Variants in NSD2 observed in about 807,000 individuals in gnomAD.
NSD2 encodes the protein histone-lysine N-methyltransferase NSD2.
In NSD2, 12 loss-of-function variants were observed where a neutral mutation model predicts 139.0. The ratio of observed to expected loss-of-function variants is 0.09; its 90% CI spans 0.06 to 0.14. The LOEUF (loss-of-function observed/expected upper bound fraction) is 0.14, where lower values mean the gene tolerates loss of function less well. Ranked by LOEUF, NSD2 falls within the 10% of genes least tolerant of loss-of-function variation. The pLI, the probability that NSD2 is intolerant of heterozygous loss-of-function variation, is 1.00. For missense variants in NSD2, 1,155 were observed against 1,745.0 expected, an observed-to-expected ratio of 0.66 and a Z score of 6.02; for synonymous variants, 669 against 648.7, an observed-to-expected ratio of 1.03 and a Z score of -0.48.
At chr4:1,898,719 G>T (rs115019641) in intron 1 of NSD2, among the ~76,000 whole-genome samples, 2 of 148,038 alleles carry the variant, frequency 1.4e-5, no homozygotes, top group Admixed American at 1.3e-4. Flanking sequence ...CCAGCAGCTG[G>T]AATCTCTTTT....
intron 9 of NSD2, chr4:1,946,900 T>C: frequency 9.5e-7 from 1 of 1,056,584 alleles, no homozygotes; most frequent in Middle Eastern, 4.3e-4. Context: ...TAGGTCCACA[T>C]TTGTGTTTTT....
Position 1,980,912 on chromosome 4 carries a change from T to G in NSD2, c.*2003T>G, listed in dbSNP as rs886059332. On this transcript the variant is annotated 3_prime_UTR_variant, in exon 22 of 22. Coordinates refer to ENST00000508803, the MANE Select transcript of NSD2 (RefSeq NM_001042424.3). ...CTTATGATGCCCTAACTTGGAAGGT[T>G]GTTCTAGGGACAGGCCGGGCAGTGT... 4 of 233,188 alleles carry G rather than the reference T, an allele frequency of 1.7e-5. No individual in the cohort carries two copies. Among genetic ancestry groups the G allele is most frequent in the South Asian group, 1.8e-4 (1 of 5,536 alleles). 14.4% of individuals were successfully genotyped at this position (233,188 alleles called of 1,614,324 possible).
chr4:1,932,831 T>C (rs527835716), intron 6 of NSD2, among the ~76,000 whole-genome samples: 77 of 152,292 alleles, frequency 5.1e-4, no homozygotes, highest in African/African-American at 1.7e-3. Flanking sequence ...CCTGGATGAA[T>C]GGAGAGGTGC....
At chr4:1,888,611 G>T (rs1460262554) in intron 1 of NSD2, among the ~76,000 whole-genome samples, 1 of 151,778 alleles carries the variant, frequency 6.6e-6, no homozygotes, top group East Asian at 1.9e-4. Flanking sequence ...CTGTCACCCA[G>T]GCTGGATTGC....
Position 1,918,601 on chromosome 4 carries a change from T to G in NSD2, c.1388T>G (p.Phe463Cys), listed in dbSNP as rs1460113219. 1 of 1,613,686 alleles carries G rather than the reference T, an allele frequency of 6.2e-7. No individual in the cohort carries two copies. Among genetic ancestry groups the G allele is most frequent in the Non-Finnish European group, 8.5e-7 (1 of 1,180,002 alleles). The change falls in exon 5 of 22, where the codon TTC (phenylalanine) becomes TGC (cysteine). Residue 463 changes from phenylalanine to cysteine, a missense_variant. By Grantham distance (205) the Phe-to-Cys change is radical. This residue lies in a region of NSD2 where 420 missense variants were observed against 469.0 expected (regional missense o/e 0.90). Coordinates refer to ENST00000508803, the MANE Select transcript of NSD2 (RefSeq NM_001042424.3). Reference sequence around the variant, plus strand: ...GATGCAGCATCCCAGTTTTTGGTCTTCTGTCAAAAACACAGGGATGAGGTC... The same window carrying G: ...GATGCAGCATCCCAGTTTTTGGTCTGCTGTCAAAAACACAGGGATGAGGTC... ...KGDAASQFLVFCQKHRDEVVA... is the reference protein window; with the variant it reads ...KGDAASQFLVCCQKHRDEVVA...
chr4:1,917,162 T>C, intron 4 of NSD2, 125 bp downstream of exon 4: 1 of 1,030,638 alleles, frequency 9.7e-7, no homozygotes, highest in Non-Finnish European at 1.4e-6. Context: ...ATCTCTTTCA[T>C]TGTTGACTTT....
chr4:1,918,377 G>T lies in NSD2; in HGVS notation c.1164G>T (p.Lys388Asn), dbSNP rs753512534. 3 of 1,614,014 alleles carry T rather than the reference G, an allele frequency of 1.9e-6. No homozygotes were observed. In the African/African-American group the frequency reaches 4.0e-5, roughly 22 times the overall value. Residue 388 changes from lysine (K) to asparagine (N), a missense_variant, in exon 5 of 22, where the codon AAG becomes AAT. Physicochemically the swap from Lys to Asn is moderately conservative, Grantham distance 94 (BLOSUM62 0). Transcript: ENST00000508803. Reference sequence around the variant, plus strand: ...GTGAAGAAGCTGCTGAAAACCCCAAGTCTGTGAGAGAAGAGTGCATTCCCA... The same window carrying T: ...GTGAAGAAGCTGCTGAAAACCCCAATTCTGTGAGAGAAGAGTGCATTCCCA... ...GVSEEAAENP[K>N]SVREECIPMK...
At chr4:1,947,036 C>G in intron 9 of NSD2, 1 of 1,063,908 alleles carries the variant, frequency 9.4e-7, no homozygotes, top group Non-Finnish European at 1.1e-6. Context: ...GGGTCCTGGT[C>G]CGGCTGATGG....
At chr4:1,918,850 G>A (rs566820794) in intron 5 of NSD2, 400 of 545,682 alleles carry the variant, frequency 7.3e-4, no homozygotes, top group Non-Finnish European at 1.1e-3. Flanking sequence ...ATGTGGATAA[G>A]AAGATACCGA....
intron 1 of NSD2, among the ~76,000 whole-genome samples, chr4:1,893,472 A>C (rs78001738): frequency 6.6e-6 from 1 of 152,328 alleles, no homozygotes; most frequent in South Asian, 2.1e-4. Context: ...CCGTTTCAAT[A>C]AAAAAATAAA....
chr4:1,946,516 G>T (rs1401452716), intron 9 of NSD2: 5 of 976,876 alleles, frequency 5.1e-6, no homozygotes, highest in African/African-American at 1.7e-5. Flanking sequence ...TGATCCACCC[G>T]CCTCACCCTC....
chr4:1,955,451 C>T lies in NSD2; in HGVS notation c.2518+111C>T. 2.2e-6 allele frequency: 3 copies of T among 1,380,018 alleles called. No homozygotes were observed. The highest frequency in any genetic ancestry group is 2.9e-6 in the Non-Finnish European group (3 of 1,037,954). 85.5% of individuals were successfully genotyped at this position (1,380,018 alleles called of 1,614,324 possible). ...TGTGTTCATTGATGTTGACAGTGTT[C>T]TGTGCGTCTTCACGTTAATAGTATA... On this transcript the variant is annotated intron_variant, in intron 13 of 21. Transcript: ENST00000508803. This position sits in a 1 kb window ranked among gnomAD's most constrained non-coding sequence, Gnocchi z 4.7.
intron 1 of NSD2, among the ~76,000 whole-genome samples, chr4:1,896,378 G>T (rs1164781590): frequency 6.6e-6 from 1 of 152,170 alleles, no homozygotes; most frequent in Non-Finnish European, 1.5e-5. Flanking sequence ...CTATTGCTTT[G>T]CATTAGGCAG....
At chr4:1,908,112 G>T (rs1353030256) in intron 3 of NSD2, among the ~76,000 whole-genome samples, 1 of 152,200 alleles carries the variant, frequency 6.6e-6, no homozygotes, top group Non-Finnish European at 1.5e-5. Flanking sequence ...GTACTTCAGG[G>T]TTGAGATGCA....
intron 18 of NSD2, among the ~76,000 whole-genome samples, chr4:1,970,531 T>G (rs1577572031): frequency 1.3e-5 from 2 of 150,942 alleles, no homozygotes; most frequent in Non-Finnish European, 3.0e-5. Flanking sequence ...CCAGAAGGAG[T>G]GATGCGTACT....
At chr4:1,943,513 G>A in intron 9 of NSD2, 3 of 1,047,952 alleles carry the variant, frequency 2.9e-6, no homozygotes, top group Non-Finnish European at 3.5e-6. Context: ...CATTATGCAT[G>A]CGAGGATGAA....
intron 2 of NSD2, among the ~76,000 whole-genome samples, chr4:1,902,075 T>G (rs1285623837): frequency 1.3e-5 from 2 of 152,198 alleles, no homozygotes; most frequent in Admixed American, 1.3e-4. Flanking sequence ...TCTCTGTTCA[T>G]CTGGTGGTCT....
intron 5 of NSD2, among the ~76,000 whole-genome samples, chr4:1,924,901 T>A (rs1720656321): frequency 6.6e-6 from 1 of 152,136 alleles, no homozygotes; most frequent in Admixed American, 6.5e-5. Context: ...CACTCCAGTT[T>A]GGATGACAGA....
rs548894132 is a variant in NSD2 at position 1,897,300 on chromosome 4, A to C, written c.-29-3326A>C. Among the ~76,000 whole-genome samples the C allele has an allele frequency of 6.1e-4, 93 of 152,162 alleles. No homozygotes were observed. In the Middle Eastern group the frequency reaches 0.014, roughly 22 times the overall value. ...AGTTTGAGATCAGCCTGGACAATAT[A>C]GTGAGATCCATCTCTACAAAAAAAG... On this transcript the variant is annotated intron_variant, in intron 1 of 21. Transcript: ENST00000508803.
Sources: allele counts gnomAD v4.1 joint callset (sites outside exome capture counted in the v4.1 genomes callset), GRCh38; gene constraint gnomAD v4.1.1; regional missense constraint gnomAD v4.1.1; non-coding constraint Gnocchi (gnomAD v3.1); transcripts MANE v1.5; gene names NCBI Gene and HGNC (gene_info 2026-07-23, HGNC 2026-07-21).